The following ITPR1 variants were observed in gnomAD, a reference collection of about 807,000 sequenced individuals.
ITPR1 encodes the protein inositol 1,4,5-trisphosphate receptor type 1, also known as inositol 1,4,5-trisphosphate-gated calcium channel ITPR1.
A neutral mutation model predicts 318.4 loss-of-function variants in ITPR1; 96 were observed. That is an observed-to-expected ratio of 0.30 (90% CI 0.26 to 0.36). The LOEUF is 0.36. ITPR1 is among the 10% of genes least tolerant of loss of function. ITPR1 has a pLI of 1.00. For synonymous variants in ITPR1, 1,312 were observed against 1,289.9 expected (o/e 1.02, Z -0.37); for missense variants, 2,440 against 3,460.2 (o/e 0.71, Z 7.40).
intron 44 of ITPR1, among the ~76,000 whole-genome samples, chr3:4,736,158 C>T (rs763837765): frequency 3.0e-4 from 45 of 149,388 alleles, no homozygotes; most frequent in African/African-American, 7.8e-4. Flanking sequence ...TTTTTTTGGA[C>T]GTGTATCTAT....
At chr3:4,686,359 C>G (rs1054673485) in intron 30 of ITPR1, among the ~76,000 whole-genome samples, 3 of 152,176 alleles carry the variant, frequency 2.0e-5, no homozygotes, top group Non-Finnish European at 2.9e-5. Context: ...TAATCCCTGT[C>G]GTAGGTATAA....
intron 5 of ITPR1, among the ~76,000 whole-genome samples, chr3:4,634,882 G>T (rs1356076718): frequency 6.6e-6 from 1 of 152,146 alleles, no homozygotes; most frequent in South Asian, 2.1e-4. Flanking sequence ...GGGATTACAG[G>T]CATGCACCAC....
intron 33 of ITPR1, among the ~76,000 whole-genome samples, chr3:4,694,165 A>C (rs546898650): frequency 3.7e-4 from 56 of 151,838 alleles, no homozygotes; most frequent in Non-Finnish European, 7.4e-4. Flanking sequence ...AAATTTAGGA[A>C]CTACAGACAA....
At chr3:4,508,540 A>AAGTGAGTTTTCTGCCACAGTCAAATG (rs927000391) in intron 2 of ITPR1, among the ~76,000 whole-genome samples, 3 of 151,074 alleles carry the variant, frequency 2.0e-5, no homozygotes, top group African/African-American at 7.3e-5. Flanking sequence ...AAATTTCAAT[A>AAGTGAGTTTTCTGCCACAGTCAAATG]AGTGAGTTTT....
intron 25 of ITPR1, 67 bp downstream of exon 25, chr3:4,680,758 A>G: frequency 2.2e-6 from 3 of 1,382,366 alleles, no homozygotes; most frequent in Non-Finnish European, 3.0e-6. Flanking sequence ...TGGGGAGAGC[A>G]AACAGTATCT....
At chr3:4,585,603 A>G (rs2089812484) in intron 4 of ITPR1, among the ~76,000 whole-genome samples, 1 of 151,830 alleles carries the variant, frequency 6.6e-6, no homozygotes, top group Non-Finnish European at 1.5e-5. Flanking sequence ...CGCCCGGCTA[A>G]TTTTTGTATT....
chr3:4,633,704 T>G (rs900250296), intron 5 of ITPR1, among the ~76,000 whole-genome samples: 1 of 152,228 alleles, frequency 6.6e-6, no homozygotes, highest in African/African-American at 2.4e-5. Context: ...GCAAATCACA[T>G]AAATTTCTTC....
Position 4,710,538 on chromosome 3 carries a change from T to G in ITPR1, c.4991+65T>G. On this transcript the variant is annotated intron_variant, in intron 38 of 61. Transcript: ENST00000649015. This position sits in a 1 kb window ranked among gnomAD's most constrained non-coding sequence, Gnocchi z 4.2. Reference sequence around the variant, plus strand: ...CCTTGATGACCTCACAAAGCTTTTGTTCCCGAAGAAGGAGACGTTGTCCTG... The same window carrying G: ...CCTTGATGACCTCACAAAGCTTTTGGTCCCGAAGAAGGAGACGTTGTCCTG... 2 of 1,470,950 alleles carry G rather than the reference T, an allele frequency of 1.4e-6. No homozygotes were observed. The highest frequency in any genetic ancestry group is 1.8e-6 in the Non-Finnish European group (2 of 1,083,458). 91.1% of individuals were successfully genotyped at this position (1,470,950 alleles called of 1,614,324 possible).
intron 56 of ITPR1, 73 bp downstream of exon 56, chr3:4,811,533 A>C (rs1353282931): frequency 2.0e-5 from 25 of 1,272,166 alleles, no homozygotes; most frequent in South Asian, 2.6e-5. Context: ...TAAAGAAAAT[A>C]ACGACTTTAG....
chr3:4,658,080 C>T, intron 12 of ITPR1, 44 bp from the exon 13 acceptor site: 4 of 1,548,436 alleles, frequency 2.6e-6, no homozygotes, highest in Non-Finnish European at 3.5e-6. Context: ...AAAGTGAAGG[C>T]TTTGGCATGC....
At chr3:4,755,357 G>A (rs11710644) in intron 44 of ITPR1, among the ~76,000 whole-genome samples, 36,740 of 151,200 alleles carry the variant, frequency 0.24, 5,821 homozygotes, top group Non-Finnish European at 0.35. Flanking sequence ...GAGAGCTGTT[G>A]AGCTTTCTGT....
chr3:4,625,427 T>C (rs1263341405), intron 4 of ITPR1, among the ~76,000 whole-genome samples: 4 of 152,324 alleles, frequency 2.6e-5, no homozygotes, highest in Admixed American at 6.5e-5. Flanking sequence ...TCAAGGCACT[T>C]TAAGGGAATC....
rs139324700 is a variant in ITPR1 at position 4,662,267 on chromosome 3, C to T, written c.1412+25C>T. 719 of 1,540,996 alleles carry T rather than the reference C, an allele frequency of 4.7e-4. 4 individuals carry two copies. In the African/African-American group the frequency reaches 8.6e-3, roughly 18 times the overall value. On this transcript the variant is annotated intron_variant, in intron 15 of 61. Coordinates refer to ENST00000649015, the MANE Select transcript of ITPR1 (RefSeq NM_001378452.1). ...GGTGAGCACTCCCGCATGCTCAGCA[C>T]AGCCGCCCTCCCGCACTGAGAGTTT... is the stretch of plus-strand genomic sequence containing the variant.
chr3:4,552,376 C>T (rs1266357191), intron 4 of ITPR1, among the ~76,000 whole-genome samples: 1 of 152,192 alleles, frequency 6.6e-6, no homozygotes, highest in Non-Finnish European at 1.5e-5. Context: ...GTTTGGATTC[C>T]TATGACCACC....
At chr3:4,621,273 A>T (rs1344096189) in intron 4 of ITPR1, among the ~76,000 whole-genome samples, 1 of 152,164 alleles carries the variant, frequency 6.6e-6, no homozygotes, top group African/African-American at 2.4e-5. Context: ...GGAAACTTAC[A>T]GTCATGGCAG....
intron 43 of ITPR1, among the ~76,000 whole-genome samples, chr3:4,733,468 A>G (rs905643423): frequency 4.6e-5 from 7 of 151,848 alleles, no homozygotes; most frequent in Non-Finnish European, 7.4e-5. Context: ...TGCAGTGACC[A>G]TCTTGGTGAT....
intron 44 of ITPR1, among the ~76,000 whole-genome samples, chr3:4,759,858 C>G (rs1489539457): frequency 2.6e-5 from 4 of 152,188 alleles, no homozygotes; most frequent in African/African-American, 7.2e-5. Context: ...AGCAGCCATG[C>G]CCACTTCCCT....
intron 25 of ITPR1, 62 bp from the exon 26 acceptor site, chr3:4,681,302 G>A: frequency 8.6e-7 from 1 of 1,164,076 alleles, no homozygotes; most frequent in Non-Finnish European, 1.3e-6. Context: ...TTATGGATGA[G>A]TTCACCAGCA....
At chr3:4,782,887 G>A (rs192373302) in intron 50 of ITPR1, 146 bp downstream of exon 50, 29 of 649,450 alleles carry the variant, frequency 4.5e-5, no homozygotes, top group African/African-American at 2.8e-4. Flanking sequence ...ACAGGTGCTC[G>A]TGGCAACCTG....
Sources: allele counts gnomAD v4.1 joint callset (sites outside exome capture counted in the v4.1 genomes callset), GRCh38; gene constraint gnomAD v4.1.1; non-coding constraint Gnocchi (gnomAD v3.1); transcripts MANE v1.5; gene names NCBI Gene and HGNC (gene_info 2026-07-23, HGNC 2026-07-21).